The following EPB41 variants were observed in gnomAD, a reference collection of about 807,000 sequenced individuals.
The protein encoded by EPB41 is erythrocyte membrane protein band 4.1.
A neutral mutation model predicts 108.0 loss-of-function variants in EPB41; 65 were observed. The observed-to-expected ratio is 0.60, with a 90% confidence interval of 0.49 to 0.74. EPB41 has a LOEUF of 0.74. Ranked by LOEUF, EPB41 falls within the 30% of genes least tolerant of loss-of-function variation. The pLI, the probability that EPB41 is intolerant of heterozygous loss-of-function variation, is 0.00. For synonymous variants in EPB41, 336 were observed against 358.9 expected, an observed-to-expected ratio of 0.94 and a Z score of 0.72; for missense variants, 875 against 1,037.0, an observed-to-expected ratio of 0.84 and a Z score of 2.15.
intron 1 of EPB41, among the ~76,000 whole-genome samples, chr1:28,930,487 G>T (rs112903040): frequency 0.018 from 2,411 of 137,284 alleles, 49 homozygotes; most frequent in African/African-American, 0.056. Context: ...GTGTGTGTGT[G>T]TTTTTTTTTT....
chr1:29,057,683 C>A (rs1227626572), intron 12 of EPB41, among the ~76,000 whole-genome samples: 1 of 152,034 alleles, frequency 6.6e-6, no homozygotes, highest in South Asian at 2.1e-4. Context: ...TTTAAAATAT[C>A]CAATGCTTTG....
At chr1:28,993,286 T>C (rs1368313232) in intron 2 of EPB41, 44 bp from the exon 3 acceptor site, 1 of 1,506,196 alleles carries the variant, frequency 6.6e-7, no homozygotes, top group Admixed American at 1.7e-5. Flanking sequence ...GCATGTTTTG[T>C]GAAATGTGTT....
At position 29,053,456 on chromosome 1, in the gene EPB41, C is replaced by G. The variant is rs530452881; in HGVS notation, c.1845+144C>G. The G allele has an allele frequency of 1.2e-5, 11 of 892,170 alleles. No individual in the cohort carries two copies. The South Asian group carries it at 1.6e-4, about 13-fold the overall frequency. The allele number at this position is 892,170 out of a possible 1,614,324, so 55.3% of individuals were successfully genotyped here. ...TCATTCTTTCTAAATGAAGATGTCT[C>G]CCATGAACCTATAAAATATTTTCGT... On this transcript the variant is annotated intron_variant, in intron 12 of 20. Coordinates refer to ENST00000343067, the MANE Select transcript of EPB41 (RefSeq NM_001376013.1).
intron 1 of EPB41, among the ~76,000 whole-genome samples, chr1:28,947,781 C>T (rs888812328): frequency 1.3e-5 from 2 of 152,160 alleles, no homozygotes; most frequent in Non-Finnish European, 2.9e-5. Flanking sequence ...GCTAAGATTG[C>T]ACTCCAGTCT....
chr1:28,935,970 A>G (rs1411774910), intron 1 of EPB41, among the ~76,000 whole-genome samples: 2 of 151,830 alleles, frequency 1.3e-5, no homozygotes, highest in African/African-American at 4.8e-5. Context: ...CTGATCAAAT[A>G]TCCTTAGCCT....
chr1:28,932,802 T>C (rs150089), intron 1 of EPB41, among the ~76,000 whole-genome samples: 67,617 of 151,964 alleles, frequency 0.44, 17,622 homozygotes, highest in East Asian at 0.85. Flanking sequence ...GCCTTGATAT[T>C]TGTCATTAAT....
chr1:28,893,474 C>T (rs749894734), intron 1 of EPB41: 2 of 152,264 alleles, frequency 1.3e-5, no homozygotes, highest in Non-Finnish European at 2.9e-5. Context: ...TCCATAAGTA[C>T]AGGGGCCATG....
chr1:28,892,093 CAAA>C (rs748788169), intron 1 of EPB41, among the ~76,000 whole-genome samples: 2 of 69,808 alleles, frequency 2.9e-5, no homozygotes, highest in South Asian at 6.3e-4. Flanking sequence ...GACTGCATCT[CAAA>C]AAAAAAAAAA....
At chr1:29,085,977 T>C (rs544694373) in intron 16 of EPB41, among the ~76,000 whole-genome samples, 2 of 152,340 alleles carry the variant, frequency 1.3e-5, no homozygotes, top group East Asian at 1.9e-4. Context: ...ACTACTTTTT[T>C]CTTTTAGAAG....
intron 11 of EPB41, among the ~76,000 whole-genome samples, chr1:29,049,863 T>G (rs1032869724): frequency 6.6e-6 from 1 of 152,290 alleles, no homozygotes; most frequent in Non-Finnish European, 1.5e-5. Context: ...ACCAAAATCT[T>G]GTAAATATTA....
intron 19 of EPB41, among the ~76,000 whole-genome samples, chr1:29,114,636 TAAAA>T (rs62666661): frequency 2.6e-5 from 2 of 77,742 alleles, no homozygotes; most frequent in East Asian, 3.7e-4. Context: ...AGACTCCGTC[TAAAA>T]AAAAAAAAAA....
intron 12 of EPB41, among the ~76,000 whole-genome samples, chr1:29,056,044 G>A (rs1558174750): frequency 1.3e-5 from 2 of 151,650 alleles, no homozygotes; most frequent in African/African-American, 4.8e-5. Flanking sequence ...AGACCATCCT[G>A]GCCAACATGG....
intron 18 of EPB41, 144 bp downstream of exon 18, chr1:29,109,581 G>A (rs1448343801): frequency 1.4e-6 from 1 of 726,522 alleles, no homozygotes; most frequent in African/African-American, 1.7e-5. Context: ...AGTCCTGGAT[G>A]GAAAGGCCCT....
intron 1 of EPB41, among the ~76,000 whole-genome samples, chr1:28,920,396 G>A (rs1377675778): frequency 6.6e-6 from 1 of 152,072 alleles, no homozygotes; most frequent in African/African-American, 2.4e-5. Flanking sequence ...CTCCACAAAA[G>A]TCACCCTAAT....
At chr1:28,970,618 C>T (rs982522416) in intron 1 of EPB41, among the ~76,000 whole-genome samples, 1 of 152,080 alleles carries the variant, frequency 6.6e-6, no homozygotes, top group African/African-American at 2.4e-5. Flanking sequence ...TATATGGATA[C>T]AACACCTTAT....
intron 1 of EPB41, among the ~76,000 whole-genome samples, chr1:28,899,868 G>A (rs1410171720): frequency 6.6e-6 from 1 of 152,148 alleles, no homozygotes; most frequent in Non-Finnish European, 1.5e-5. Context: ...GAGAGACTTT[G>A]GTTTAAATCC....
intron 1 of EPB41, 66 bp from the exon 2 acceptor site, chr1:28,987,365 A>G (rs2095892254): frequency 7.2e-7 from 1 of 1,379,780 alleles, no homozygotes; most frequent in African/African-American, 1.4e-5. Flanking sequence ...TTTAGGGTTT[A>G]GGGTTTTGCC....
rs572305522 is a variant in EPB41, at chr1:28,953,762, C to T, written c.-7-33669C>T. Among the ~76,000 whole-genome samples, 9 of 152,142 alleles carry T rather than the reference C, an allele frequency of 5.9e-5. No individual in the cohort carries two copies. In the South Asian group the frequency reaches 6.2e-4, roughly 11 times the overall value. ...TTAGTTAGATCTCATTTTCATCTTA[C>T]GTAGTTAATAAAGAATGGATGGACA... is the stretch of plus-strand genomic sequence containing the variant. On this transcript the variant is annotated intron_variant, in intron 1 of 20. Transcript: ENST00000343067.
Position 28,987,748 on chromosome 1 carries a change from C to T in EPB41, c.311C>T (p.Ser104Leu). The T allele has an allele frequency of 6.2e-7, 1 of 1,614,070 alleles. No individual in the cohort carries two copies. Among genetic ancestry groups the T allele is most frequent in the Non-Finnish European group, 8.5e-7 (1 of 1,180,028 alleles). Reference protein sequence around the residue: ...VSEEEGKEVESDKEKGEGGQK... With the variant: ...VSEEEGKEVELDKEKGEGGQK... ...GAGGAAGAAGGCAAAGAAGTAGAGT[C>T]AGATAAAGAAAAAGGTGAAGGAGGT... The change falls in exon 2 of 21, where the codon TCA (serine) becomes TTA (leucine). Residue 104 changes from serine to leucine, a missense_variant. Coordinates refer to ENST00000343067, the MANE Select transcript of EPB41 (RefSeq NM_001376013.1).
Sources: gnomAD v4.1 joint callset for allele counts (sites outside exome capture counted in the v4.1 genomes callset) on GRCh38, gnomAD v4.1.1 for gene constraint, MANE v1.5 for transcripts, NCBI Gene and HGNC (gene_info 2026-07-23, HGNC 2026-07-21) for gene names.